The following MAP2K5 variants were observed in gnomAD, a reference collection of about 807,000 sequenced individuals.
The protein encoded by MAP2K5 is dual specificity mitogen-activated protein kinase kinase 5.
A neutral mutation model predicts 83.1 loss-of-function variants in MAP2K5; 49 were observed. That is an observed-to-expected ratio of 0.59 (90% CI 0.47 to 0.75). MAP2K5 has a LOEUF of 0.75. Ranked by LOEUF, MAP2K5 falls within the 30% of genes least tolerant of loss-of-function variation. The pLI is 0.00. For missense variants in MAP2K5, 457 were observed against 557.5 expected, an observed-to-expected ratio of 0.82 and a Z score of 1.82; for synonymous variants, 202 against 191.8, an observed-to-expected ratio of 1.05 and a Z score of -0.44.
In MAP2K5 at chr15:67,785,949, C is replaced by A. The variant is rs2090408328; in HGVS notation, c.1242+13197C>A. On this transcript the variant is annotated intron_variant, in intron 21 of 21. Coordinates refer to ENST00000178640, the MANE Select transcript of MAP2K5 (RefSeq NM_145160.3). This position sits in a 1 kb window ranked among gnomAD's most constrained non-coding sequence, Gnocchi z 4.4. ...CAGCTGTTTACTTAGCCCATCTGAG[C>A]CTGAGCTGCTTCATCTGTAAAATGG... Among the ~76,000 whole-genome samples the A allele has an allele frequency of 6.6e-6, 1 of 152,054 alleles. No homozygotes were observed. Among genetic ancestry groups the A allele is most frequent in the South Asian group, 2.1e-4 (1 of 4,822 alleles).
rs1267659094 is a variant in MAP2K5, at chr15:67,652,551, T to A, written c.737-6002T>A. Among the ~76,000 whole-genome samples the A allele has an allele frequency of 6.6e-6, 1 of 152,178 alleles. No homozygotes were observed. The highest frequency in any genetic ancestry group is 1.9e-4 in the East Asian group (1 of 5,194). ...TGTGAGAATGACACCAAGTCTTTCA[T>A]GAGGGATCCACTCCTTTGACCCAAA... On this transcript the variant is annotated intron_variant, in intron 11 of 21. Transcript: ENST00000178640. The surrounding 1 kb of genome is among the most constrained non-coding windows in gnomAD (Gnocchi z 4.2).
chr15:67,768,336 T>G lies in MAP2K5; in HGVS notation c.1135-1266T>G, dbSNP rs531839305. Reference sequence around the variant, plus strand: ...TGACACGCATATTGCAGAGGTGCTTTTATCATCTTCTTTTTTCCACTACAT... The same window carrying G: ...TGACACGCATATTGCAGAGGTGCTTGTATCATCTTCTTTTTTCCACTACAT... On this transcript the variant is annotated intron_variant, in intron 19 of 21. Transcript: ENST00000178640. The surrounding 1 kb of genome is among the most constrained non-coding windows in gnomAD (Gnocchi z 4.0). Among the ~76,000 whole-genome samples, 2 of 152,322 alleles carry G rather than the reference T, an allele frequency of 1.3e-5. No homozygotes were observed. The highest frequency in any genetic ancestry group is 4.1e-4 in the South Asian group (2 of 4,830).
At chr15:67,684,118 T>C (rs143178344) in intron 13 of MAP2K5, among the ~76,000 whole-genome samples, 3 of 152,328 alleles carry the variant, frequency 2.0e-5, no homozygotes, top group Admixed American at 6.5e-5. Context: ...AGAAATTGCA[T>C]AGGAGTTCCC....
chr15:67,715,110 C>T (rs1300609431), intron 16 of MAP2K5, among the ~76,000 whole-genome samples: 2 of 152,118 alleles, frequency 1.3e-5, no homozygotes, highest in Non-Finnish European at 2.9e-5. Flanking sequence ...CATGGGTCCT[C>T]CCCTCCCACT....
intron 21 of MAP2K5, among the ~76,000 whole-genome samples, chr15:67,787,772 G>T (rs1021512884): frequency 3.3e-5 from 5 of 152,176 alleles, no homozygotes; most frequent in Admixed American, 6.5e-5. Context: ...AAATTTAAAT[G>T]AGATTTTTTA....
chr15:67,773,427 A>G (rs62015213), intron 21 of MAP2K5, among the ~76,000 whole-genome samples: 17,861 of 152,208 alleles, frequency 0.12, 1,126 homozygotes, highest in African/African-American at 0.14. Flanking sequence ...ATTATAGTCT[A>G]TTCTTTCTAA....
intron 16 of MAP2K5, among the ~76,000 whole-genome samples, chr15:67,706,984 C>T (rs1383725766): frequency 6.6e-6 from 1 of 152,186 alleles, no homozygotes; most frequent in East Asian, 1.9e-4. Flanking sequence ...GGCACAATCT[C>T]GGCTCACTGC....
chr15:67,611,667 A>G (rs893966378), intron 8 of MAP2K5, among the ~76,000 whole-genome samples: 2 of 152,192 alleles, frequency 1.3e-5, no homozygotes, highest in Non-Finnish European at 2.9e-5. Flanking sequence ...ACACAGATAA[A>G]TGAATGGATT....
At chr15:67,560,673 T>A (rs188421748) in intron 2 of MAP2K5, among the ~76,000 whole-genome samples, 1 of 152,254 alleles carries the variant, frequency 6.6e-6, no homozygotes, top group Admixed American at 6.5e-5. Context: ...GCTCTTGTAA[T>A]GTTTCATAGC....
chr15:67,630,103 A>G (rs886575285), intron 8 of MAP2K5, among the ~76,000 whole-genome samples: 12 of 152,216 alleles, frequency 7.9e-5, no homozygotes, highest in Non-Finnish European at 1.6e-4. Flanking sequence ...GCATGGTGGC[A>G]TGTGCCTATA....
intron 15 of MAP2K5, among the ~76,000 whole-genome samples, chr15:67,699,384 C>T (rs2088353189): frequency 6.6e-6 from 1 of 152,174 alleles, no homozygotes; most frequent in Non-Finnish European, 1.5e-5. Flanking sequence ...AAATGGCTAA[C>T]CTCAGTGTAA....
intron 19 of MAP2K5, among the ~76,000 whole-genome samples, chr15:67,754,153 G>C (rs1311732071): frequency 6.6e-6 from 1 of 152,222 alleles, no homozygotes; most frequent in African/African-American, 2.4e-5. Flanking sequence ...GAAGGGAATT[G>C]AGAATGACTG....
At chr15:67,547,455 C>CTTTTTT (rs398057779) in intron 1 of MAP2K5, among the ~76,000 whole-genome samples, 10 of 128,744 alleles carry the variant, frequency 7.8e-5, no homozygotes, top group East Asian at 4.5e-4. Context: ...TTTCTTTTTT[C>CTTTTTT]TTTTTTTTTT....
chr15:67,641,988 C>CT (rs768036894), intron 9 of MAP2K5, among the ~76,000 whole-genome samples: 137 of 152,338 alleles, frequency 9.0e-4, no homozygotes, highest in Admixed American at 1.7e-3. Flanking sequence ...GTGGGTTCTA[C>CT]TTTCCCTCTC....
At chr15:67,727,278 A>T (rs985273675) in intron 16 of MAP2K5, among the ~76,000 whole-genome samples, 1 of 152,192 alleles carries the variant, frequency 6.6e-6, no homozygotes, top group African/African-American at 2.4e-5. Context: ...GTGAGGATTC[A>T]AGGATCAAAA....
At chr15:67,691,981 C>G (rs1179112407) in intron 13 of MAP2K5, among the ~76,000 whole-genome samples, 2 of 152,100 alleles carry the variant, frequency 1.3e-5, no homozygotes, top group Admixed American at 6.6e-5. Flanking sequence ...CATTAATTTC[C>G]TCATCGGTTT....
chr15:67,795,663 T>G (rs1596987874), intron 21 of MAP2K5, among the ~76,000 whole-genome samples: 1 of 152,212 alleles, frequency 6.6e-6, no homozygotes, highest in African/African-American at 2.4e-5. Flanking sequence ...CAGTGTTCTC[T>G]CTTTGCTTGA....
rs1177136047 is a variant in MAP2K5, at chr15:67,777,652, C to T, written c.1242+4900C>T. Among the ~76,000 whole-genome samples the T allele has an allele frequency of 6.6e-6, 1 of 152,184 alleles. No individual in the cohort carries two copies. Among genetic ancestry groups the T allele is most frequent in the Non-Finnish European group, 1.5e-5 (1 of 68,020 alleles). ...GATTTACTAATAGTTATTATCTGTT[C>T]TAGCTGTTCAGTGGCAGCGAGAATT... On this transcript the variant is annotated intron_variant, in intron 21 of 21. Coordinates refer to ENST00000178640, the MANE Select transcript of MAP2K5 (RefSeq NM_145160.3). This position sits in a 1 kb window ranked among gnomAD's most constrained non-coding sequence, Gnocchi z 6.0.
chr15:67,671,699 G>A (rs8029236), intron 13 of MAP2K5, among the ~76,000 whole-genome samples: 149,141 of 151,826 alleles, frequency 0.98, 73,318 homozygotes, highest in Middle Eastern at 1. Flanking sequence ...TTTAGGGTAC[G>A]TGTGCACAAT....
Sources: gnomAD v4.1 joint callset for allele counts (sites outside exome capture counted in the v4.1 genomes callset) on GRCh38, gnomAD v4.1.1 for gene constraint, Gnocchi (gnomAD v3.1) non-coding constraint, MANE v1.5 for transcripts, NCBI Gene and HGNC (gene_info 2026-07-23, HGNC 2026-07-21) for gene names.